The following CAGE1 variants were observed in gnomAD, a reference collection of about 807,000 sequenced individuals.
CAGE1 encodes the protein cancer-associated gene 1 protein.
In CAGE1, 66 loss-of-function variants were observed where a neutral mutation model predicts 94.9. The ratio of observed to expected loss-of-function variants is 0.70; its 90% CI spans 0.57 to 0.85. The LOEUF (loss-of-function observed/expected upper bound fraction) is 0.85, where lower values mean the gene tolerates loss of function less well. CAGE1 is among the 40% of genes least tolerant of loss of function. CAGE1 has a pLI of 0.00. For missense variants in CAGE1, 865 were observed against 950.4 expected, an observed-to-expected ratio of 0.91 and a Z score of 1.18; for synonymous variants, 319 against 321.0, an observed-to-expected ratio of 0.99 and a Z score of 0.07.
chr6:7,343,090 G>A (rs1759247713), intron 11 of CAGE1, among the ~76,000 whole-genome samples: 1 of 151,856 alleles, frequency 6.6e-6, no homozygotes, highest in Admixed American at 6.6e-5. Context: ...TTGGGAGGCT[G>A]AGGCAGGAGA....
intron 5 of CAGE1, among the ~76,000 whole-genome samples, chr6:7,371,858 C>G (rs1760549147): frequency 6.6e-6 from 1 of 152,136 alleles, no homozygotes. Flanking sequence ...AGCCTTCTTT[C>G]TAAGTAATCA....
chr6:7,381,028 T>C (rs1308041700), intron 3 of CAGE1, among the ~76,000 whole-genome samples: 1 of 152,246 alleles, frequency 6.6e-6, no homozygotes, highest in African/African-American at 2.4e-5. Flanking sequence ...AAATGGTATT[T>C]TACTGTGACC....
rs535424641 is a variant in CAGE1, at chr6:7,389,569, C to T, written c.-391G>A. The T allele has an allele frequency of 6.0e-6, 2 of 332,142 alleles. No individual in the cohort carries two copies. The highest frequency in any genetic ancestry group is 1.2e-5 in the Non-Finnish European group (2 of 165,886). 20.6% of individuals were successfully genotyped at this position (332,142 alleles called of 1,614,324 possible). A position where few individuals can be genotyped will look rare whatever the true frequency, so the allele number is the denominator to read the frequency against. ...GGAAGGTACGACCCCCTAGGCCGAA[C>T]AGCCTGTGGGCTAGCTGGCGCCTCC... On this transcript the variant is annotated 5_prime_UTR_variant, in exon 1 of 14. Coordinates refer to ENST00000502583, the MANE Select transcript of CAGE1 (RefSeq NM_001170692.2).
intron 11 of CAGE1, among the ~76,000 whole-genome samples, chr6:7,348,309 C>T (rs1348870202): frequency 6.6e-6 from 1 of 152,106 alleles, no homozygotes. Context: ...GGTGGCTAGA[C>T]CCCAAAGAAA....
At chr6:7,342,003 G>A (rs1263160822) in intron 11 of CAGE1, 3 of 795,548 alleles carry the variant, frequency 3.8e-6, no homozygotes, top group Non-Finnish European at 6.8e-6. Flanking sequence ...GGTTAACGAA[G>A]CTCAAGGTGT....
chr6:7,345,849 C>T (rs553365081), intron 11 of CAGE1, among the ~76,000 whole-genome samples: 275 of 152,174 alleles, frequency 1.8e-3, no homozygotes, highest in Non-Finnish European at 3.0e-3. Flanking sequence ...GGTGTGAACC[C>T]GGGAGGAGAA....
chr6:7,348,378 G>GC (rs1486010280), intron 11 of CAGE1, among the ~76,000 whole-genome samples: 1 of 152,166 alleles, frequency 6.6e-6, no homozygotes, highest in African/African-American at 2.4e-5. Flanking sequence ...AAGAGGAAGA[G>GC]CACCCCATCA....
intron 13 of CAGE1, among the ~76,000 whole-genome samples, chr6:7,329,491 A>G (rs1684507242): frequency 1.3e-5 from 2 of 152,040 alleles, no homozygotes; most frequent in South Asian, 2.1e-4. Flanking sequence ...GCATGAAAAT[A>G]TTTTGCTTTT....
chr6:7,329,293 T>C, intron 13 of CAGE1: 1 of 377,700 alleles, frequency 2.6e-6, no homozygotes, highest in Non-Finnish European at 4.7e-6. Context: ...AAAAAATCGC[T>C]TGCTTAGAAA....
At chr6:7,334,610 C>T (rs558423366) in intron 11 of CAGE1, among the ~76,000 whole-genome samples, 2 of 151,466 alleles carry the variant, frequency 1.3e-5, no homozygotes, top group South Asian at 4.2e-4. Flanking sequence ...TGCCTGTGAT[C>T]CCAGCTACTT....
chr6:7,344,070 CCTCG>C (rs1437413258), intron 11 of CAGE1, among the ~76,000 whole-genome samples: 1 of 152,206 alleles, frequency 6.6e-6, no homozygotes. Context: ...TCCTCACAGC[CCTCG>C]CTCGCTCTCG....
At chr6:7,333,185 A>C (rs903047298) in intron 12 of CAGE1, among the ~76,000 whole-genome samples, 2 of 152,066 alleles carry the variant, frequency 1.3e-5, no homozygotes, top group Non-Finnish European at 2.9e-5. Context: ...TCTTGACCTC[A>C]AGTGATTCAC....
At chr6:7,333,679 T>G (rs1223765452) in intron 12 of CAGE1, among the ~76,000 whole-genome samples, 9 of 147,704 alleles carry the variant, frequency 6.1e-5, no homozygotes, top group Admixed American at 2.0e-4. Context: ...TATATACATT[T>G]TTTTTTTGAG....
chr6:7,326,982 T>C (rs1173968524), intron 13 of CAGE1, 83 bp from the exon 14 acceptor site: 9 of 960,444 alleles, frequency 9.4e-6, no homozygotes, highest in Non-Finnish European at 1.5e-5. Flanking sequence ...GCCAATTTTT[T>C]ATTACATATG....
chr6:7,360,254 G>T (rs1760122397), intron 9 of CAGE1, among the ~76,000 whole-genome samples: 1 of 152,102 alleles, frequency 6.6e-6, no homozygotes, highest in Non-Finnish European at 1.5e-5. Flanking sequence ...CCATGTTCTG[G>T]GGACTAGGGT....
At chr6:7,359,610 G>A (rs570920515) in intron 9 of CAGE1, among the ~76,000 whole-genome samples, 10 of 152,268 alleles carry the variant, frequency 6.6e-5, no homozygotes, top group South Asian at 2.1e-4. Context: ...GCTGCTCCCC[G>A]GGCAGTGTGG....
chr6:7,377,094 G>C (rs1760772073), intron 4 of CAGE1, among the ~76,000 whole-genome samples: 2 of 151,936 alleles, frequency 1.3e-5, no homozygotes, highest in Non-Finnish European at 2.9e-5. Flanking sequence ...ACATTTATTT[G>C]TGTGATTGAT....
intron 11 of CAGE1, among the ~76,000 whole-genome samples, chr6:7,349,728 T>A (rs1163368979): frequency 2.0e-5 from 3 of 150,136 alleles, no homozygotes; most frequent in Non-Finnish European, 4.4e-5. Flanking sequence ...AGGTCAGGAG[T>A]TTGAGACCAG....
intron 6 of CAGE1, among the ~76,000 whole-genome samples, 197 bp from the exon 7 acceptor site, chr6:7,368,995 A>G (rs986329237): frequency 2.1e-5 from 3 of 145,268 alleles, no homozygotes; most frequent in Non-Finnish European, 4.5e-5. Flanking sequence ...GAAAGATTTC[A>G]TTTTTTTTAT....
Sources: allele counts gnomAD v4.1 joint callset (sites outside exome capture counted in the v4.1 genomes callset), GRCh38; gene constraint gnomAD v4.1.1; transcripts MANE v1.5; gene names NCBI Gene and HGNC (gene_info 2026-07-23, HGNC 2026-07-21).